DHX9: variants seen among roughly 807,000 people sequenced by gnomAD.
The protein encoded by DHX9 is DExH-box helicase 9.
Under a neutral mutation model 148.7 loss-of-function variants are expected in DHX9, and 27 were observed. The observed-to-expected ratio is 0.18, with a 90% CI of 0.13 to 0.25. The LOEUF is 0.25. Among genes scored for constraint, DHX9 ranks in the 10% least tolerant of loss-of-function variants. The pLI is 1.00. For synonymous variants in DHX9, 529 were observed against 516.6 expected, an observed-to-expected ratio of 1.02 and a Z score of -0.33; for missense variants, 796 against 1,559.6, an observed-to-expected ratio of 0.51 and a Z score of 8.25.
chr1:182,844,095 G>A (rs920679054), intron 3 of DHX9, among the ~76,000 whole-genome samples: 14 of 151,944 alleles, frequency 9.2e-5, no homozygotes, highest in Admixed American at 9.2e-4. Flanking sequence ...TTACAGGCAC[G>A]CTCCATGATG....
intron 15 of DHX9, among the ~76,000 whole-genome samples, chr1:182,873,276 T>C (rs1648621895): frequency 6.6e-6 from 1 of 152,068 alleles, no homozygotes; most frequent in Non-Finnish European, 1.5e-5. Flanking sequence ...TCTTTAGGAG[T>C]TGTTACCACA....
At chr1:182,864,068 G>C (rs553026696) in intron 12 of DHX9, among the ~76,000 whole-genome samples, 1 of 152,158 alleles carries the variant, frequency 6.6e-6, no homozygotes, top group African/African-American at 2.4e-5. Context: ...GGAGGCTGAG[G>C]TGGGAGGATC....
At position 182,887,240 on chromosome 1, in the gene DHX9, C is replaced by T; in HGVS notation, c.3619C>T (p.Arg1207Trp). ...CTATGGTGGCAGCGCCAACTCCTTTCGGGCAGGATATGGTGCAGGTGTTGG... is the reference window on the plus strand; with the variant it reads ...CTATGGTGGCAGCGCCAACTCCTTTTGGGCAGGATATGGTGCAGGTGTTGG... Reference protein sequence around the residue: ...GGYGGSANSFRAGYGAGVGGG... With the variant: ...GGYGGSANSFWAGYGAGVGGG... Residue 1207 changes from arginine to tryptophan, a missense_variant, in exon 28 of 28, where the codon CGG (arginine) becomes TGG (tryptophan). By Grantham distance (101) the Arg-to-Trp change is moderately radical. Around this residue, in one of 14 missense-constraint regions of DHX9, gnomAD observed 98 missense variants for 105.5 expected, o/e 0.93. Transcript: ENST00000367549. 3.1e-6 allele frequency: 5 copies of T among 1,614,064 alleles called. No homozygotes were observed. Among genetic ancestry groups the T allele is most frequent in the African/African-American group, 1.3e-5 (1 of 75,002 alleles).
At chr1:182,857,278 G>C (rs1009078520) in intron 7 of DHX9, among the ~76,000 whole-genome samples, 1 of 152,158 alleles carries the variant, frequency 6.6e-6, no homozygotes, top group African/African-American at 2.4e-5. Context: ...TGGCTAGTTA[G>C]GCAGAAAGAT....
chr1:182,840,578 G>T (rs948795254), intron 1 of DHX9, among the ~76,000 whole-genome samples: 4 of 152,178 alleles, frequency 2.6e-5, no homozygotes, highest in Non-Finnish European at 5.9e-5. Flanking sequence ...GATTACAGGC[G>T]TGAGCCTCCG....
rs754246699 is a variant in DHX9, at chr1:182,875,999, C to A, written c.1816-51C>A. On this transcript the variant is annotated intron_variant, in intron 16 of 27. Transcript: ENST00000367549. ...CACTAGAAGAAATCTAGAAGACTTA[C>A]CTCATGAGTAACTGAGACAATCCAA... is the stretch of plus-strand genomic sequence containing the variant. 10 of 1,438,780 alleles carry A rather than the reference C, an allele frequency of 7.0e-6. No individual in the cohort carries two copies. The African/African-American group carries it at 8.5e-5, about 12-fold the overall frequency. The allele number at this position is 1,438,780 out of a possible 1,614,324, so 89.1% of individuals were successfully genotyped here. A position where few individuals can be genotyped will look rare whatever the true frequency, so the allele number is the denominator to read the frequency against.
chr1:182,842,727 G>A, intron 2 of DHX9, 50 bp downstream of exon 2: 2 of 1,443,654 alleles, frequency 1.4e-6, no homozygotes, highest in Non-Finnish European at 1.9e-6. Flanking sequence ...GTTCATTTTG[G>A]GGTTAAAAGA....
At chr1:182,877,695 A>G (rs919180557) in intron 19 of DHX9, 5 of 213,026 alleles carry the variant, frequency 2.3e-5, no homozygotes, top group African/African-American at 7.0e-5. Flanking sequence ...TCTTTTGTGT[A>G]TGTGCCATAT....
chr1:182,845,922 G>A (rs886362214), intron 3 of DHX9, among the ~76,000 whole-genome samples: 4 of 152,126 alleles, frequency 2.6e-5, no homozygotes, highest in Admixed American at 6.5e-5. Flanking sequence ...CCACCTGTTC[G>A]GCCATTTGGA....
intron 22 of DHX9, 150 bp from the exon 23 acceptor site, chr1:182,881,114 G>T (rs887190993): frequency 1.0e-5 from 7 of 683,306 alleles, no homozygotes; most frequent in Non-Finnish European, 1.4e-5. Flanking sequence ...GAAGAGAGCA[G>T]CTATAAAGTT....
intron 6 of DHX9, among the ~76,000 whole-genome samples, chr1:182,854,907 G>A (rs947354640): frequency 2.6e-5 from 4 of 152,140 alleles, no homozygotes; most frequent in Non-Finnish European, 4.4e-5. Context: ...TTATTAGAAC[G>A]GAGGGGAGGT....
At chr1:182,867,215 C>G (rs951392833) in intron 14 of DHX9, among the ~76,000 whole-genome samples, 172 bp downstream of exon 14, 1 of 151,600 alleles carries the variant, frequency 6.6e-6, no homozygotes, top group African/African-American at 2.4e-5. Context: ...TCTTTTTTTT[C>G]TTTATTGTTA....
intron 26 of DHX9, 113 bp from the exon 27 acceptor site, chr1:182,884,500 A>G: frequency 1.1e-6 from 1 of 943,590 alleles, no homozygotes; most frequent in Non-Finnish European, 1.6e-6. Context: ...TTTTAATATT[A>G]ATGCTTAAGA....
chr1:182,871,226 CA>C (rs1486599386), intron 14 of DHX9, among the ~76,000 whole-genome samples: 14 of 151,966 alleles, frequency 9.2e-5, no homozygotes, highest in African/African-American at 3.4e-4. Context: ...GAAAAATGAT[CA>C]AAAATACAGG....
intron 3 of DHX9, among the ~76,000 whole-genome samples, chr1:182,847,632 A>G (rs985844535): frequency 2.0e-5 from 3 of 152,064 alleles, no homozygotes; most frequent in Non-Finnish European, 4.4e-5. Flanking sequence ...GCATTCCCTC[A>G]CTTTCTAGCA....
chr1:182,857,829 C>T (rs977691010), intron 7 of DHX9, among the ~76,000 whole-genome samples: 9 of 152,188 alleles, frequency 5.9e-5, no homozygotes, highest in African/African-American at 2.2e-4. Context: ...TTAACAGTGA[C>T]AACTTTGTTG....
chr1:182,872,465 A>C lies in DHX9; in HGVS notation c.1686A>C (p.Glu562Asp). The C allele has an allele frequency of 6.2e-7, 1 of 1,613,978 alleles. No homozygotes were observed. The highest frequency in any genetic ancestry group is 8.5e-7 in the Non-Finnish European group (1 of 1,179,956). ...ATTTCTTCAATTGCCCCATCATTGA[A>C]GTTTATGGGAGGACTTACCCAGTTC... is the stretch of plus-strand genomic sequence containing the variant. ...CEYFFNCPII[E>D]VYGRTYPVQE... The change falls in exon 15 of 28, where the codon GAA (glutamate) becomes GAC (aspartate). Residue 562 changes from glutamate to aspartate, a missense_variant. Glu to Asp is a conservative substitution (Grantham distance 45). Coordinates refer to ENST00000367549, the MANE Select transcript of DHX9 (RefSeq NM_001357.5).
chr1:182,884,871 C>G (rs894808009), intron 27 of DHX9, 58 bp downstream of exon 27: 103 of 1,546,042 alleles, frequency 6.7e-5, no homozygotes, highest in Non-Finnish European at 9.1e-5. Context: ...TTATGTAGGC[C>G]TAGAATTCCT....
At position 182,854,076 on chromosome 1, in the gene DHX9, A is replaced by G; in HGVS notation, c.524A>G (p.Asn175Ser). Residue 175 changes from asparagine (N) to serine (S), a missense_variant, in exon 6 of 28, where the codon AAC (asparagine) becomes AGC (serine). Asn to Ser is a conservative substitution (Grantham distance 46). Coordinates refer to ENST00000367549, the MANE Select transcript of DHX9 (RefSeq NM_001357.5). Reference sequence around the variant, plus strand: ...GATTTAAATGCTGGGCTTCATGGAAACTGGACCTTGGAAAATGCTAAAGCT... The same window carrying G: ...GATTTAAATGCTGGGCTTCATGGAAGCTGGACCTTGGAAAATGCTAAAGCT... ...EVDLNAGLHGNWTLENAKARL... is the reference protein window; with the variant it reads ...EVDLNAGLHGSWTLENAKARL... The G allele has an allele frequency of 6.2e-7, 1 of 1,613,198 alleles. No individual in the cohort carries two copies. Among genetic ancestry groups the G allele is most frequent in the Non-Finnish European group, 8.5e-7 (1 of 1,179,930 alleles).
Sources: allele counts gnomAD v4.1 joint callset (sites outside exome capture counted in the v4.1 genomes callset), GRCh38; gene constraint gnomAD v4.1.1; regional missense constraint gnomAD v4.1.1; transcripts MANE v1.5; gene names NCBI Gene and HGNC (gene_info 2026-07-23, HGNC 2026-07-21).